The following ADGRF5 variants were observed in gnomAD, a reference collection of about 807,000 sequenced individuals.
ADGRF5 encodes adhesion G protein-coupled receptor F5.
In ADGRF5, 75 loss-of-function variants were observed where a neutral mutation model predicts 132.3. That is an observed-to-expected ratio of 0.57 (90% CI 0.47 to 0.69). The LOEUF is 0.69. Ranked by LOEUF, ADGRF5 falls within the 30% of genes least tolerant of loss-of-function variation. The pLI is 0.00. For missense variants in ADGRF5, 1,516 were observed against 1,630.6 expected (o/e 0.93, Z 1.21); for synonymous variants, 629 against 597.6 (o/e 1.05, Z -0.77).
chr6:46,897,735 G>A (rs181414248), intron 3 of ADGRF5, among the ~76,000 whole-genome samples: 48 of 152,240 alleles, frequency 3.2e-4, no homozygotes, highest in Admixed American at 1.6e-3. Flanking sequence ...TAGTAGAGAC[G>A]GAGTTTCACC....
chr6:46,893,276 C>T (rs56876984), intron 3 of ADGRF5, among the ~76,000 whole-genome samples: 1,930 of 151,996 alleles, frequency 0.013, 24 homozygotes, highest in Middle Eastern at 0.031. Flanking sequence ...TCCCCCAGTA[C>T]GCACTTGAAA....
intron 1 of ADGRF5, among the ~76,000 whole-genome samples, chr6:46,953,706 A>G (rs1040296222): frequency 6.2e-5 from 8 of 130,062 alleles, no homozygotes; most frequent in African/African-American, 1.7e-4. Flanking sequence ...TGACAGTGGC[A>G]TTATTAGAAT....
chr6:46,932,631 C>A (rs887101724), intron 1 of ADGRF5, among the ~76,000 whole-genome samples: 3 of 152,286 alleles, frequency 2.0e-5, no homozygotes, highest in African/African-American at 7.2e-5. Flanking sequence ...CAGTACAAAA[C>A]AGATGCTCAA....
intron 1 of ADGRF5, among the ~76,000 whole-genome samples, chr6:46,914,603 C>T (rs1776266190): frequency 6.6e-6 from 1 of 152,076 alleles, no homozygotes; most frequent in African/African-American, 2.4e-5. Flanking sequence ...ATGTGGGCGG[C>T]GTTGATAACC....
chr6:46,942,869 T>C (rs542501236), intron 1 of ADGRF5, among the ~76,000 whole-genome samples: 171 of 152,206 alleles, frequency 1.1e-3, no homozygotes, highest in Non-Finnish European at 2.0e-3. Flanking sequence ...TGTGTCTGCG[T>C]GTGTGCATGC....
At chr6:46,932,560 T>C (rs538067792) in intron 1 of ADGRF5, among the ~76,000 whole-genome samples, 21 of 152,174 alleles carry the variant, frequency 1.4e-4, no homozygotes, top group Non-Finnish European at 2.1e-4. Flanking sequence ...GGTACAGAGC[T>C]CCCCCATGCC....
chr6:46,858,605 C>T lies in ADGRF5; in HGVS notation c.3298G>A (p.Val1100Ile), dbSNP rs754646677. ...CCCAGTGTCAGCATCCAGAAGAAGA[C>T]GCTGAGGTAGAAGAAGTGGATGAAG... is the stretch of plus-strand genomic sequence containing the variant. ...TFFIHFFYLS[V>I]FFWMLTLGLM... The change falls in exon 17 of 21, where the codon GTC becomes ATC. Residue 1100 changes from valine to isoleucine, a missense_variant. Physicochemically the swap from Val to Ile is conservative, Grantham distance 29. Transcript: ENST00000283296. 2.7e-5 allele frequency: 43 copies of T among 1,613,818 alleles called. No individual in the cohort carries two copies. Among genetic ancestry groups the T allele is most frequent in the Non-Finnish European group, 3.3e-5 (39 of 1,179,944 alleles).
chr6:46,869,016 C>G lies in ADGRF5; in HGVS notation c.1488G>C (p.Val496=), dbSNP rs779051066. Residue 496 remains valine, a synonymous_variant, in exon 12 of 21, where the codon GTG becomes GTC. Coordinates refer to ENST00000283296, the MANE Select transcript of ADGRF5 (RefSeq NM_001098518.2). The part of the protein sequence containing the change: ...QNFSIKCISD[V]SNYDEVYWNT... ...TCCAATAAACCTCATCATAGTTACTCACATCACTGATGCATTTTATAGAAA... is the reference window on the plus strand; with the variant it reads ...TCCAATAAACCTCATCATAGTTACTGACATCACTGATGCATTTTATAGAAA... 1.9e-6 allele frequency: 3 copies of G among 1,613,394 alleles called. No homozygotes were observed. Among genetic ancestry groups the G allele is most frequent in the Non-Finnish European group, 2.5e-6 (3 of 1,179,372 alleles).
chr6:46,910,597 C>G (rs184391267), intron 1 of ADGRF5, among the ~76,000 whole-genome samples: 90 of 152,210 alleles, frequency 5.9e-4, no homozygotes, highest in Admixed American at 1.0e-3. Flanking sequence ...TGAGGCCACA[C>G]AGCTGATAGA....
chr6:46,915,119 G>T (rs1223456211), intron 1 of ADGRF5, among the ~76,000 whole-genome samples: 1 of 152,012 alleles, frequency 6.6e-6, no homozygotes, highest in Non-Finnish European at 1.5e-5. Context: ...GCCTCCCAAA[G>T]TGCTGGGATT....
chr6:46,856,202 T>A, intron 19 of ADGRF5, 144 bp from the exon 20 acceptor site: 2 of 599,888 alleles, frequency 3.3e-6, no homozygotes, highest in Non-Finnish European at 3.0e-6. Flanking sequence ...ATTAAAATAC[T>A]GGAATCTTAT....
chr6:46,858,829 A>G lies in ADGRF5; in HGVS notation c.3074T>C (p.Leu1025Ser). ...CACAACTAGACAGGCTGCCAAGCTC[A>G]AGATGGAAAAGCCCACCCCAACATA... ...ISYVGVGFSI[L>S]SLAACLVVEA... The change falls in exon 17 of 21, where the codon TTG becomes TCG. Residue 1025 changes from leucine (L) to serine (S), a missense_variant. By Grantham distance (145) the Leu-to-Ser change is moderately radical. Transcript: ENST00000283296. The G allele has an allele frequency of 1.9e-6, 3 of 1,613,968 alleles. No homozygotes were observed. The highest frequency in any genetic ancestry group is 2.5e-6 in the Non-Finnish European group (3 of 1,179,840).
intron 1 of ADGRF5, among the ~76,000 whole-genome samples, chr6:46,941,159 A>G (rs542913709): frequency 6.6e-6 from 1 of 151,894 alleles, no homozygotes; most frequent in Non-Finnish European, 1.5e-5. Flanking sequence ...ACACAGAAAG[A>G]CCCTGTCTCT....
chr6:46,940,050 G>A (rs1777991076), intron 1 of ADGRF5, among the ~76,000 whole-genome samples: 1 of 151,898 alleles, frequency 6.6e-6, no homozygotes, highest in African/African-American at 2.4e-5. Context: ...TTGTAGTTCT[G>A]TATCTGAAAC....
chr6:46,923,664 T>C (rs1375973077), upstream of ADGRF5, among the ~76,000 whole-genome samples: 1 of 152,192 alleles, frequency 6.6e-6, no homozygotes, highest in Non-Finnish European at 1.5e-5. Flanking sequence ...GGAATGGGCG[T>C]TGTCAAAGTG....
chr6:46,942,419 G>A (rs1273648435), intron 1 of ADGRF5, among the ~76,000 whole-genome samples: 1 of 152,206 alleles, frequency 6.6e-6, no homozygotes, highest in Non-Finnish European at 1.5e-5. Flanking sequence ...GTAAAAGCAT[G>A]GGCTATGGCA....
Position 46,854,087 on chromosome 6 carries a change from G to C in ADGRF5, c.3962-16C>G. The C allele has an allele frequency of 1.3e-6, 2 of 1,578,386 alleles. No individual in the cohort carries two copies. The highest frequency in any genetic ancestry group is 1.7e-6 in the Non-Finnish European group (2 of 1,160,350). On this transcript the variant is annotated splice_polypyrimidine_tract_variant and intron_variant, in intron 20 of 20. Coordinates refer to ENST00000283296, the MANE Select transcript of ADGRF5 (RefSeq NM_001098518.2). ...TTATACGTTCCTGAAAAACAGAGCA[G>C]CAACTCAGCCTTGAAGACAAGCCAT... is the stretch of plus-strand genomic sequence containing the variant.
At chr6:46,916,206 C>G (rs1776403972) in intron 1 of ADGRF5, among the ~76,000 whole-genome samples, 2 of 152,332 alleles carry the variant, frequency 1.3e-5, no homozygotes, top group South Asian at 4.1e-4. Context: ...TTTCTTGTCC[C>G]CAAAGATATC....
At chr6:46,932,004 T>C (rs558424238) in intron 1 of ADGRF5, among the ~76,000 whole-genome samples, 3 of 152,356 alleles carry the variant, frequency 2.0e-5, no homozygotes, top group South Asian at 2.1e-4. Flanking sequence ...GTGAAGGCTA[T>C]GCAAGCCTTC....
Sources: gnomAD v4.1 joint callset for allele counts (sites outside exome capture counted in the v4.1 genomes callset) on GRCh38, gnomAD v4.1.1 for gene constraint, MANE v1.5 for transcripts, NCBI Gene and HGNC (gene_info 2026-07-23, HGNC 2026-07-21) for gene names.